Variants in EPHA4 observed in about 807,000 individuals in gnomAD.
EPHA4 encodes ephrin type-A receptor 4.
EPHA4 carries 19 observed loss-of-function variants against 108.3 expected under a neutral mutation model. The ratio of observed to expected loss-of-function variants is 0.18; its 90% confidence interval spans 0.12 to 0.26. The LOEUF (loss-of-function observed/expected upper bound fraction) is 0.26. Ranked by LOEUF, EPHA4 falls within the 10% of genes least tolerant of loss-of-function variation. The pLI, the probability that EPHA4 is intolerant of heterozygous loss-of-function variation, is 1.00. For missense variants in EPHA4, 917 were observed against 1,254.0 expected, an observed-to-expected ratio of 0.73 and a Z score of 4.06; for synonymous variants, 449 against 455.5, an observed-to-expected ratio of 0.99 and a Z score of 0.18.
chr2:221,452,062 A>G (rs1041538565), intron 8 of EPHA4, among the ~76,000 whole-genome samples: 9 of 152,244 alleles, frequency 5.9e-5, no homozygotes, highest in African/African-American at 1.9e-4. Context: ...ATGACAAATT[A>G]GCACCAAGAC....
chr2:221,423,957 A>T (rs1559233242), intron 17 of EPHA4, among the ~76,000 whole-genome samples: 1 of 151,906 alleles, frequency 6.6e-6, no homozygotes, highest in Non-Finnish European at 1.5e-5. Flanking sequence ...CTCCACTAAA[A>T]ATACAAAAAT....
At chr2:221,561,322 A>C (rs1209755967) in intron 3 of EPHA4, among the ~76,000 whole-genome samples, 1 of 152,184 alleles carries the variant, frequency 6.6e-6, no homozygotes, top group Non-Finnish European at 1.5e-5. Flanking sequence ...TTTCTTACCT[A>C]ACTACATCAG....
At position 221,572,216 on chromosome 2, in the gene EPHA4, C is replaced by A. The variant is rs1322360731; in HGVS notation, c.33G>T (p.Ser11=). ...CAGCGTCGCAAATCCCGAAGAGACA[C>A]GAAAATAGGGCGAAATAGAAAATCC... MAGIFYFALF[S]CLFGICDAVT... is the part of the protein sequence containing the mutation. The change falls in exon 1 of 18, where the codon TCG becomes TCT. Residue 11 remains serine, a synonymous_variant. Transcript: ENST00000281821. 6.2e-7 allele frequency: 1 copy of A among 1,614,146 alleles called. No homozygotes were observed. Among genetic ancestry groups the A allele is most frequent in the South Asian group, 1.1e-5 (1 of 91,088 alleles).
intron 17 of EPHA4, among the ~76,000 whole-genome samples, chr2:221,424,559 C>T (rs1202779610): frequency 6.6e-6 from 1 of 151,730 alleles, no homozygotes; most frequent in Non-Finnish European, 1.5e-5. Context: ...AAACTCAATG[C>T]TGGTATATAA....
At chr2:221,566,859 GAA>G (rs1694654338) in intron 2 of EPHA4, among the ~76,000 whole-genome samples, 3 of 61,780 alleles carry the variant, frequency 4.9e-5, no homozygotes, top group South Asian at 6.6e-4. Flanking sequence ...AGAAGGAGAA[GAA>G]GAAGAAGAAG....
At chr2:221,488,722 T>A (rs534550256) in intron 4 of EPHA4, among the ~76,000 whole-genome samples, 1 of 152,112 alleles carries the variant, frequency 6.6e-6, no homozygotes, top group Non-Finnish European at 1.5e-5. Flanking sequence ...AAATATCACA[T>A]CATATCATGT....
intron 5 of EPHA4, among the ~76,000 whole-genome samples, chr2:221,468,831 T>C (rs1422868641): frequency 6.6e-6 from 1 of 152,232 alleles, no homozygotes; most frequent in Non-Finnish European, 1.5e-5. Context: ...ACATTGATCA[T>C]TCCGCTAAAA....
intron 5 of EPHA4, among the ~76,000 whole-genome samples, chr2:221,475,320 T>G (rs1198688933): frequency 1.3e-5 from 2 of 152,198 alleles, no homozygotes; most frequent in Admixed American, 6.5e-5. Context: ...GGGAAAAAAT[T>G]TGTGGTTCAA....
intron 3 of EPHA4, among the ~76,000 whole-genome samples, chr2:221,527,022 G>C (rs1329336727): frequency 6.6e-6 from 1 of 151,730 alleles, no homozygotes; most frequent in African/African-American, 2.4e-5. Flanking sequence ...AGCTACTCAG[G>C]AGGCTAAGGC....
intron 8 of EPHA4, among the ~76,000 whole-genome samples, chr2:221,450,254 CA>C (rs1559246004): frequency 6.6e-6 from 1 of 152,174 alleles, no homozygotes. Context: ...ATTAAAAATA[CA>C]AAAATTAACC....
chr2:221,443,365 C>CA, intron 10 of EPHA4, 128 bp downstream of exon 10: 1 of 662,644 alleles, frequency 1.5e-6, no homozygotes. Context: ...ATTTTATACT[C>CA]AAAAAAGGAA....
At chr2:221,554,436 T>C (rs1334214202) in intron 3 of EPHA4, among the ~76,000 whole-genome samples, 1 of 152,250 alleles carries the variant, frequency 6.6e-6, no homozygotes, top group Non-Finnish European at 1.5e-5. Context: ...AATGCATATA[T>C]GATCGTGGCC....
intron 11 of EPHA4, among the ~76,000 whole-genome samples, chr2:221,437,959 C>A (rs925929101): frequency 3.9e-5 from 6 of 151,998 alleles, no homozygotes; most frequent in African/African-American, 1.4e-4. Context: ...CATGCGACTT[C>A]TCTCCACTGT....
At chr2:221,499,746 ATATATATATATTT>A (rs1241666533) in intron 4 of EPHA4, among the ~76,000 whole-genome samples, 8 of 48,418 alleles carry the variant, frequency 1.7e-4, no homozygotes, top group African/African-American at 9.1e-4. Context: ...ATATATATAT[ATATATATATATTT>A]TTTTTTTTTT....
intron 4 of EPHA4, among the ~76,000 whole-genome samples, chr2:221,491,857 G>A (rs868316781): frequency 5.3e-5 from 8 of 151,964 alleles, no homozygotes; most frequent in African/African-American, 1.9e-4. Context: ...TGATAGCAAA[G>A]AAGATACCCT....
At chr2:221,474,745 C>T (rs1691607402) in intron 5 of EPHA4, among the ~76,000 whole-genome samples, 1 of 152,202 alleles carries the variant, frequency 6.6e-6, no homozygotes, top group South Asian at 2.1e-4. Context: ...CTCGATTTCA[C>T]TAGTACCATC....
At chr2:221,561,523 T>C (rs981930041) in intron 3 of EPHA4, among the ~76,000 whole-genome samples, 1 of 152,192 alleles carries the variant, frequency 6.6e-6, no homozygotes, top group Non-Finnish European at 1.5e-5. Context: ...TCCACCTGCT[T>C]CTGCTGTGAA....
intron 3 of EPHA4, among the ~76,000 whole-genome samples, chr2:221,548,768 C>G (rs1409273936): frequency 6.6e-6 from 1 of 152,088 alleles, no homozygotes; most frequent in African/African-American, 2.4e-5. Context: ...ATTGTCTACC[C>G]AAGGATATAT....
chr2:221,442,178 T>C (rs1690449825), intron 11 of EPHA4, among the ~76,000 whole-genome samples: 1 of 152,232 alleles, frequency 6.6e-6, no homozygotes, highest in Non-Finnish European at 1.5e-5. Context: ...GTGCTGTCTA[T>C]GTGGCACTTT....
Sources: gnomAD v4.1 joint callset for allele counts (sites outside exome capture counted in the v4.1 genomes callset) on GRCh38, gnomAD v4.1.1 for gene constraint, MANE v1.5 for transcripts, NCBI Gene and HGNC (gene_info 2026-07-23, HGNC 2026-07-21) for gene names.